The following L3MBTL4 variants were observed in gnomAD, a reference collection of about 807,000 sequenced individuals.
L3MBTL4 encodes the protein L3MBTL histone methyl-lysine binding protein 4.
A neutral mutation model predicts 84.5 loss-of-function variants in L3MBTL4; 70 were observed. The ratio of observed to expected loss-of-function variants is 0.83; its 90% confidence interval spans 0.68 to 1.01. The LOEUF is 1.01. Ranked by LOEUF, L3MBTL4 falls within the 50% of genes least tolerant of loss-of-function variation. The probability of loss-of-function intolerance (pLI) is 0.00; values close to 1 mark genes in which losing one functional copy is unlikely to be tolerated. For missense variants in L3MBTL4, 715 were observed against 754.8 expected, an observed-to-expected ratio of 0.95 and a Z score of 0.62; for synonymous variants, 274 against 259.8, an observed-to-expected ratio of 1.05 and a Z score of -0.52.
rs77816250 is a variant in L3MBTL4 at position 5,964,292 on chromosome 18, C to T, written c.1615-4136G>A. ...AGAGGAGCCCATCCTGCCAGCCGAC[C>T]TCACTTCCCCCACGACCTACTTTCC... is the stretch of plus-strand genomic sequence containing the variant. On this transcript the variant is annotated intron_variant, in intron 17 of 18. Transcript: ENST00000317931. Among the ~76,000 whole-genome samples the T allele has an allele frequency of 3.7e-4, 56 of 152,332 alleles. 1 individual carries two copies. In the East Asian group the frequency reaches 9.3e-3, roughly 25 times the overall value.
intron 14 of L3MBTL4, among the ~76,000 whole-genome samples, chr18:6,102,732 C>A (rs540027060): frequency 1.2e-3 from 176 of 152,324 alleles, no homozygotes; most frequent in Non-Finnish European, 1.4e-3. Flanking sequence ...TGAAGGGCAA[C>A]CTCCACTGGA....
intron 5 of L3MBTL4, among the ~76,000 whole-genome samples, chr18:6,249,394 C>T (rs977214294): frequency 1.3e-5 from 2 of 152,128 alleles, no homozygotes; most frequent in Non-Finnish European, 2.9e-5. Flanking sequence ...TCTTATCACA[C>T]GTGATTGATA....
chr18:5,988,971 G>A (rs1018552642), intron 16 of L3MBTL4, among the ~76,000 whole-genome samples: 3 of 152,198 alleles, frequency 2.0e-5, no homozygotes, highest in African/African-American at 4.8e-5. Flanking sequence ...AAGGTAACTA[G>A]AAAGAGACAA....
At chr18:6,366,160 A>G (rs1014396024) in intron 1 of L3MBTL4, among the ~76,000 whole-genome samples, 2 of 152,234 alleles carry the variant, frequency 1.3e-5, no homozygotes, top group African/African-American at 4.8e-5. Context: ...TCTAAAATTT[A>G]TAAACTTAAT....
rs772902775 is a variant in L3MBTL4 at position 5,956,248 on chromosome 18, A to G, written c.1817T>C (p.Ile606Thr). Residue 606 changes from isoleucine to threonine, a missense_variant, in exon 19 of 19, where the codon ATT becomes ACT. Ile to Thr is a moderately conservative substitution (Grantham distance 89, BLOSUM62 -1). Transcript: ENST00000317931. The stretch of plus-strand genomic sequence containing the variant: ...TCCCCTGACTTCTTGGCCTGAGGCA[A>G]TATCTTCTTCAGGGAGTTCCTGGGA... ...RHSQELPEED[I>T]ASGQEVRG 5.6e-6 allele frequency: 9 copies of G among 1,613,886 alleles called. No homozygotes were observed. The highest frequency in any genetic ancestry group is 2.2e-5 in the East Asian group (1 of 44,894).
At chr18:6,276,723 G>C (rs2049095577) in intron 4 of L3MBTL4, among the ~76,000 whole-genome samples, 1 of 137,310 alleles carries the variant, frequency 7.3e-6, no homozygotes, top group Admixed American at 7.2e-5. Context: ...CAATAAACAA[G>C]ACAAATAAGT....
At chr18:6,024,806 C>G (rs2055429490) in intron 16 of L3MBTL4, among the ~76,000 whole-genome samples, 1 of 152,058 alleles carries the variant, frequency 6.6e-6, no homozygotes, top group African/African-American at 2.4e-5. Flanking sequence ...TTAAAAAAGA[C>G]CCTCATATTC....
rs751633886 is a variant in L3MBTL4 at position 6,264,009 on chromosome 18, A to C, written c.157T>G (p.Ser53Ala). The C allele has an allele frequency of 1.5e-5, 24 of 1,613,852 alleles. No individual in the cohort carries two copies. The highest frequency in any genetic ancestry group is 1.9e-5 in the Non-Finnish European group (22 of 1,179,820). ...TGTTCTTTCAAGTACCACTCCCAAG[A>C]CCATGCTCCCTGTGCAGCCGCTGAA... Reference protein sequence around the residue: ...VPSAAAQGAWSWEWYLKEQKA... With the variant: ...VPSAAAQGAWAWEWYLKEQKA... The change falls in exon 5 of 19, where the codon TCT becomes GCT. Residue 53 changes from serine (S) to alanine (A), a missense_variant. Physicochemically the swap from Ser to Ala is moderately conservative, Grantham distance 99. Coordinates refer to ENST00000317931, the MANE Select transcript of L3MBTL4 (RefSeq NM_001330559.2).
chr18:6,393,908 C>T (rs1041154104), intron 1 of L3MBTL4, among the ~76,000 whole-genome samples: 68 of 152,190 alleles, frequency 4.5e-4, no homozygotes, highest in African/African-American at 1.6e-3. Context: ...CTACAGAGCA[C>T]TCCATCACCT....
intron 13 of L3MBTL4, among the ~76,000 whole-genome samples, chr18:6,163,119 C>T (rs915552917): frequency 6.6e-5 from 10 of 152,074 alleles, no homozygotes; most frequent in Non-Finnish European, 1.0e-4. Flanking sequence ...GACAGGCCCT[C>T]AAATGTTGTT....
At chr18:6,258,486 A>G (rs1471048672) in intron 5 of L3MBTL4, among the ~76,000 whole-genome samples, 3 of 152,294 alleles carry the variant, frequency 2.0e-5, no homozygotes, top group Admixed American at 2.0e-4. Context: ...AATGGCTGAC[A>G]TGAGGGAACT....
At chr18:6,078,946 C>G (rs879722191) in intron 16 of L3MBTL4, among the ~76,000 whole-genome samples, 1 of 152,134 alleles carries the variant, frequency 6.6e-6, no homozygotes, top group African/African-American at 2.4e-5. Context: ...CAATCTAGAT[C>G]CCTCACATGT....
At chr18:6,322,525 C>T (rs1044493039) in intron 1 of L3MBTL4, among the ~76,000 whole-genome samples, 3 of 147,056 alleles carry the variant, frequency 2.0e-5, no homozygotes, top group South Asian at 2.2e-4. Flanking sequence ...AAAAAACAAA[C>T]AAACAGTATA....
intron 4 of L3MBTL4, among the ~76,000 whole-genome samples, chr18:6,278,756 C>G (rs1376742281): frequency 6.6e-6 from 1 of 152,044 alleles, no homozygotes; most frequent in African/African-American, 2.4e-5. Context: ...CAACCTTTTC[C>G]TGAGTGCCCT....
intron 16 of L3MBTL4, among the ~76,000 whole-genome samples, chr18:6,069,774 A>G (rs1733739280): frequency 6.6e-6 from 1 of 152,226 alleles, no homozygotes; most frequent in Admixed American, 6.5e-5. Context: ...TCCAATAACA[A>G]AGGCAAAAGA....
At chr18:6,186,002 A>ATTTTATTTATTTTATTTTATTT (rs542901226) in intron 12 of L3MBTL4, among the ~76,000 whole-genome samples, 27 of 134,198 alleles carry the variant, frequency 2.0e-4, no homozygotes, top group African/African-American at 1.0e-3. Flanking sequence ...TTATTATTTT[A>ATTTTATTTATTTTATTTTATTT]TATTTTATTT....
At chr18:6,253,942 T>C (rs1427561546) in intron 5 of L3MBTL4, among the ~76,000 whole-genome samples, 1 of 152,222 alleles carries the variant, frequency 6.6e-6, no homozygotes, top group Non-Finnish European at 1.5e-5. Flanking sequence ...TAAAATATTA[T>C]ATACACTAAT....
At chr18:6,030,498 A>G in intron 16 of L3MBTL4, 1 of 949,168 alleles carries the variant, frequency 1.1e-6, no homozygotes, top group Non-Finnish European at 1.2e-6. Flanking sequence ...TAATGAAGAG[A>G]CTCTTTTTTT....
chr18:6,115,126 T>C (rs544104880), intron 14 of L3MBTL4, among the ~76,000 whole-genome samples: 2 of 152,254 alleles, frequency 1.3e-5, no homozygotes, highest in African/African-American at 4.8e-5. Flanking sequence ...TTCCAGAGCT[T>C]GAGTGCAGCT....
Sources: gnomAD v4.1 joint callset for allele counts (sites outside exome capture counted in the v4.1 genomes callset) on GRCh38, gnomAD v4.1.1 for gene constraint, MANE v1.5 for transcripts, NCBI Gene and HGNC (gene_info 2026-07-23, HGNC 2026-07-21) for gene names.